Variants in TRAPPC9 observed in about 807,000 individuals in gnomAD.
TRAPPC9 encodes the protein trafficking protein particle complex subunit 9.
A neutral mutation model predicts 124.0 loss-of-function variants in TRAPPC9; 83 were observed. That is an observed-to-expected ratio of 0.67 (90% CI 0.56 to 0.80). The LOEUF is 0.80. Ranked by LOEUF, TRAPPC9 falls within the 30% of genes least tolerant of loss-of-function variation. TRAPPC9 has a pLI of 0.00. For missense variants in TRAPPC9, 1,302 were observed against 1,508.3 expected (o/e 0.86, Z 2.27); for synonymous variants, 638 against 617.5 (o/e 1.03, Z -0.49).
rs994283270 is a variant in TRAPPC9 at position 140,182,372 on chromosome 8, G to C, written c.2556+39087C>G. On this transcript the variant is annotated intron_variant, in intron 17 of 22. Coordinates refer to ENST00000438773, the MANE Select transcript of TRAPPC9 (RefSeq NM_001160372.4). The surrounding 1 kb of genome is among the most constrained non-coding windows in gnomAD (Gnocchi z 4.0). Reference sequence around the variant, plus strand: ...GGCTTGGGAATGTTGGCTTCCAAAAGTAACTGCCCACTACTCTAAATTCGA... The same window carrying C: ...GGCTTGGGAATGTTGGCTTCCAAAACTAACTGCCCACTACTCTAAATTCGA... Among the ~76,000 whole-genome samples the C allele has an allele frequency of 1.3e-4, 19 of 148,828 alleles. No homozygotes were observed. The highest frequency in any genetic ancestry group is 4.7e-4 in the African/African-American group (19 of 40,528).
intron 19 of TRAPPC9, among the ~76,000 whole-genome samples, chr8:139,958,425 C>A (rs1431501838): frequency 6.6e-6 from 1 of 152,204 alleles, no homozygotes; most frequent in Non-Finnish European, 1.5e-5. Flanking sequence ...TCTTTGCCGA[C>A]CCCAGTTTCC....
intron 18 of TRAPPC9, among the ~76,000 whole-genome samples, chr8:140,022,479 A>T (rs1839881991): frequency 1.3e-5 from 2 of 152,160 alleles, no homozygotes; most frequent in Non-Finnish European, 2.9e-5. Flanking sequence ...CATTTTTCTC[A>T]TCTTCAACTG....
At chr8:139,805,193 T>A (rs1354912043) in intron 21 of TRAPPC9, among the ~76,000 whole-genome samples, 2 of 152,208 alleles carry the variant, frequency 1.3e-5, no homozygotes, top group Non-Finnish European at 2.9e-5. Flanking sequence ...ACCCCCTGGA[T>A]GTGGAGTAGG....
intron 17 of TRAPPC9, among the ~76,000 whole-genome samples, chr8:140,036,835 A>G (rs1005879314): frequency 1.3e-5 from 2 of 152,040 alleles, no homozygotes; most frequent in Non-Finnish European, 1.5e-5. Context: ...CGATCACATT[A>G]TTGTTATTTT....
At chr8:140,340,910 G>T (rs192479854) in intron 9 of TRAPPC9, among the ~76,000 whole-genome samples, 1 of 152,148 alleles carries the variant, frequency 6.6e-6, no homozygotes, top group Non-Finnish European at 1.5e-5. Context: ...ACAAATCCAC[G>T]TAACCAACAA....
chr8:139,870,220 C>T (rs1177807301), intron 21 of TRAPPC9, among the ~76,000 whole-genome samples: 1 of 152,118 alleles, frequency 6.6e-6, no homozygotes, highest in Admixed American at 6.5e-5. Flanking sequence ...TTTAGAAAAA[C>T]AAAGGGAGGA....
Position 140,450,879 on chromosome 8 carries a change from G to A in TRAPPC9, c.495C>T (p.Asp165=), listed in dbSNP as rs886062729. Residue 165 remains aspartate (D), a synonymous_variant, in exon 2 of 23, where the codon GAC becomes GAT. Transcript: ENST00000438773. ...LFIVLESKRL[D]RATDKSGDKI... is the part of the protein sequence containing the mutation. ...TATCCCCAGACTTGTCTGTGGCTCT[G>A]TCCAGACGCTTGGACTCCAGCACGA... 7 of 1,614,062 alleles carry A rather than the reference G, an allele frequency of 4.3e-6. No individual in the cohort carries two copies. The highest frequency in any genetic ancestry group is 1.7e-5 in the Admixed American group (1 of 60,008).
intron 15 of TRAPPC9, among the ~76,000 whole-genome samples, chr8:140,258,200 C>T (rs1162254022): frequency 1.3e-5 from 2 of 152,174 alleles, no homozygotes; most frequent in Middle Eastern, 3.2e-3. Flanking sequence ...GGAGAGACCG[C>T]CATTCAGACA....
intron 21 of TRAPPC9, among the ~76,000 whole-genome samples, chr8:139,815,691 GCACT>G (rs1241877860): frequency 1.3e-5 from 2 of 152,170 alleles, no homozygotes. Context: ...CGCCCGGCAA[GCACT>G]CACTAACATT....
chr8:140,036,995 T>C lies in TRAPPC9; in HGVS notation c.2557-12916A>G, dbSNP rs1384882389. Among the ~76,000 whole-genome samples, 23 of 151,504 alleles carry C rather than the reference T, an allele frequency of 1.5e-4. 2 individuals carry two copies. Among genetic ancestry groups the C allele is most frequent in the Admixed American group, 1.4e-3 (22 of 15,202 alleles). On this transcript the variant is annotated intron_variant, in intron 17 of 22. Coordinates refer to ENST00000438773, the MANE Select transcript of TRAPPC9 (RefSeq NM_001160372.4). ...ATTTCTCCTAAAGCTATCCCTCCCC[T>C]AGCCCCCCACCCCCGACAGGCCCTG...
intron 17 of TRAPPC9, among the ~76,000 whole-genome samples, chr8:140,130,906 T>C (rs2061198616): frequency 6.6e-6 from 1 of 152,182 alleles, no homozygotes; most frequent in South Asian, 2.1e-4. Context: ...GTGTAAAACA[T>C]TTAGGAAATA....
intron 6 of TRAPPC9, among the ~76,000 whole-genome samples, chr8:140,402,270 T>C (rs1294499396): frequency 6.6e-6 from 1 of 151,790 alleles, no homozygotes; most frequent in African/African-American, 2.4e-5. Flanking sequence ...CTTGGTCATC[T>C]GAGTGAGGCC....
chr8:140,406,026 T>A (rs767781296), intron 5 of TRAPPC9, among the ~76,000 whole-genome samples: 1 of 152,214 alleles, frequency 6.6e-6, no homozygotes, highest in Admixed American at 6.5e-5. Flanking sequence ...CATTCTCTCA[T>A]AGCTTGAAGC....
intron 1 of TRAPPC9, among the ~76,000 whole-genome samples, chr8:140,456,498 T>C (rs2132744519): frequency 6.6e-6 from 1 of 152,240 alleles, no homozygotes; most frequent in Admixed American, 6.5e-5. Flanking sequence ...AATGAAGCTG[T>C]TATTTTTGAC....
intron 9 of TRAPPC9, among the ~76,000 whole-genome samples, chr8:140,351,649 T>G (rs924998958): frequency 2.6e-5 from 4 of 152,178 alleles, no homozygotes; most frequent in African/African-American, 9.7e-5. Context: ...TGGGAGGATG[T>G]GTATAAGTTA....
intron 21 of TRAPPC9, among the ~76,000 whole-genome samples, chr8:139,739,305 T>C (rs2130045493): frequency 6.6e-6 from 1 of 152,312 alleles, no homozygotes; most frequent in Non-Finnish European, 1.5e-5. Flanking sequence ...CGCCCCGCCC[T>C]GGCTGGCCGC....
chr8:139,996,314 C>T (rs1449539488), intron 18 of TRAPPC9, among the ~76,000 whole-genome samples: 1 of 151,762 alleles, frequency 6.6e-6, no homozygotes, highest in East Asian at 1.9e-4. Context: ...CTCACTAATA[C>T]TCAGAGAACA....
chr8:140,180,097 C>T (rs534638234), intron 17 of TRAPPC9, among the ~76,000 whole-genome samples: 1 of 138,488 alleles, frequency 7.2e-6, no homozygotes, highest in South Asian at 2.4e-4. Context: ...GTTGAGCTTA[C>T]TTCTACCACC....
At chr8:140,195,978 C>G (rs2062652961) in intron 17 of TRAPPC9, among the ~76,000 whole-genome samples, 1 of 150,976 alleles carries the variant, frequency 6.6e-6, no homozygotes, top group East Asian at 1.9e-4. Context: ...ATCCACCGTA[C>G]AGATCACACC....
Sources: allele counts gnomAD v4.1 joint callset (sites outside exome capture counted in the v4.1 genomes callset), GRCh38; gene constraint gnomAD v4.1.1; non-coding constraint Gnocchi (gnomAD v3.1); transcripts MANE v1.5; gene names NCBI Gene and HGNC (gene_info 2026-07-23, HGNC 2026-07-21).